Variants in SYTL2 observed in about 807,000 individuals in gnomAD.
SYTL2 encodes the protein synaptotagmin-like protein 2.
Under a neutral mutation model 198.7 loss-of-function variants are expected in SYTL2, and 165 were observed. The ratio of observed to expected loss-of-function variants is 0.83; its 90% CI spans 0.73 to 0.94. SYTL2 has a LOEUF of 0.94. SYTL2 is among the 40% of genes least tolerant of loss of function. SYTL2 has a pLI of 0.00. For missense variants in SYTL2, 2,835 were observed against 2,582.8 expected, an observed-to-expected ratio of 1.10 and a Z score of -2.12; for synonymous variants, 966 against 917.7, an observed-to-expected ratio of 1.05 and a Z score of -0.95.
At chr11:85,733,653 G>A (rs1433969802) in intron 7 of SYTL2, 2 of 205,162 alleles carry the variant, frequency 9.7e-6, no homozygotes, top group Middle Eastern at 1.9e-3. Flanking sequence ...ACTGCGGACT[G>A]CAGTGGCGCA....
chr11:85,742,850 G>A (rs185842742), intron 4 of SYTL2, among the ~76,000 whole-genome samples: 26 of 152,074 alleles, frequency 1.7e-4, no homozygotes, highest in Admixed American at 2.6e-4. Context: ...AGCATTCAGG[G>A]TTTTCCTTTT....
intron 1 of SYTL2, among the ~76,000 whole-genome samples, chr11:85,808,123 G>A (rs1566046342): frequency 1.3e-5 from 2 of 152,126 alleles, no homozygotes; most frequent in South Asian, 2.1e-4. Flanking sequence ...CTGGAGTACA[G>A]TGGCATGATC....
chr11:85,765,147 T>C (rs953573216), intron 1 of SYTL2, among the ~76,000 whole-genome samples: 1 of 152,188 alleles, frequency 6.6e-6, no homozygotes, highest in South Asian at 2.1e-4. Context: ...AAAATAATAG[T>C]TGAATGAACA....
At chr11:85,733,681 G>A (rs550461010) in intron 7 of SYTL2, 6 of 267,676 alleles carry the variant, frequency 2.2e-5, no homozygotes, top group African/African-American at 1.4e-4. Flanking sequence ...CTCACTGCAA[G>A]CTCCGCTTCC....
At chr11:85,760,437 G>A (rs2092065913) in intron 1 of SYTL2, among the ~76,000 whole-genome samples, 1 of 152,132 alleles carries the variant, frequency 6.6e-6, no homozygotes, top group African/African-American at 2.4e-5. Flanking sequence ...ATAAAAGAAT[G>A]AGCAAATGAA....
In SYTL2 at chr11:85,724,605, C is replaced by T. The variant is rs115489190; in HGVS notation, c.4753G>A (p.Val1585Met). ...ITEAPPYQPQ[V>M]SVREETHEKE... ...TCGTGAGTTTCTTCTCTCACTGACACCTGGGGCTGATAAGGAGGAGCTTCA... is the reference window on the plus strand; with the variant it reads ...TCGTGAGTTTCTTCTCTCACTGACATCTGGGGCTGATAAGGAGGAGCTTCA... The change falls in exon 8 of 20, where the codon GTG becomes ATG. Residue 1585 changes from valine to methionine, a missense_variant. By Grantham distance (21) the Val-to-Met change is conservative. Transcript: ENST00000359152. 9.8e-4 allele frequency: 1,584 copies of T among 1,613,338 alleles called. 7 individuals are homozygous for T. The highest frequency in any genetic ancestry group is 1.2e-3 in the Non-Finnish European group (1,396 of 1,179,798).
chr11:85,851,386 G>A, the SYTL2 span, among the ~76,000 whole-genome samples: 25 of 152,286 alleles, frequency 1.6e-4, no homozygotes, highest in African/African-American at 5.5e-4. Context: ...CCTAGTTCGG[G>A]TCTTTACAAA....
At chr11:85,793,039 T>C (rs1471660074) in intron 1 of SYTL2, among the ~76,000 whole-genome samples, 2 of 152,012 alleles carry the variant, frequency 1.3e-5, no homozygotes, top group African/African-American at 2.4e-5. Context: ...TGTTGAACAT[T>C]TGGGTTGGTT....
chr11:85,698,680 C>T (rs999165988), intron 17 of SYTL2, among the ~76,000 whole-genome samples: 1 of 152,134 alleles, frequency 6.6e-6, no homozygotes, highest in Non-Finnish European at 1.5e-5. Context: ...GCTGCAACTA[C>T]AGGCATGTGC....
At chr11:85,833,330 T>C in the SYTL2 span, among the ~76,000 whole-genome samples, 1 of 147,928 alleles carries the variant, frequency 6.8e-6, no homozygotes, top group Non-Finnish European at 1.5e-5. Context: ...ACAATATATA[T>C]CATATATATC....
rs1206863579 is a variant in SYTL2 at position 85,745,027 on chromosome 11, C to T, written c.389+610G>A. Among the ~76,000 whole-genome samples the T allele has an allele frequency of 3.3e-5, 5 of 152,260 alleles. No individual in the cohort carries two copies. The East Asian group carries it at 7.7e-4, about 23-fold the overall frequency. ...TATAATATTGAAGATAATCTATATC[C>T]TTAAGAGGCATTTACTGAGTATCTA... On this transcript the variant is annotated intron_variant, in intron 4 of 19. Transcript: ENST00000359152.
At chr11:85,763,088 C>T (rs1050679369) in intron 1 of SYTL2, among the ~76,000 whole-genome samples, 2 of 152,190 alleles carry the variant, frequency 1.3e-5, no homozygotes, top group African/African-American at 4.8e-5. Context: ...TCTTTCACAT[C>T]ATTCTGTGGT....
chr11:85,800,222 T>A (rs2092865741), intron 1 of SYTL2, among the ~76,000 whole-genome samples: 1 of 152,148 alleles, frequency 6.6e-6, no homozygotes, highest in African/African-American at 2.4e-5. Context: ...TGAAAGGGCT[T>A]GGGGATTGGC....
chr11:85,700,363 C>A, intron 17 of SYTL2, 152 bp downstream of exon 17: 3 of 318,004 alleles, frequency 9.4e-6, no homozygotes, highest in Non-Finnish European at 1.7e-5. Flanking sequence ...AAAGAATTTT[C>A]TTATTTACAA....
chr11:85,830,017 C>A, the SYTL2 span, among the ~76,000 whole-genome samples: 2 of 152,164 alleles, frequency 1.3e-5, no homozygotes, highest in African/African-American at 4.8e-5. Flanking sequence ...AGACCAGAAA[C>A]CAAACAGTTC....
chr11:85,800,709 C>T (rs970851939), intron 1 of SYTL2, among the ~76,000 whole-genome samples: 1 of 152,132 alleles, frequency 6.6e-6, no homozygotes, highest in Non-Finnish European at 1.5e-5. Flanking sequence ...ACAAACACAT[C>T]CACTCCCTCC....
chr11:85,724,886 T>A lies in SYTL2; in HGVS notation c.4472A>T (p.Lys1491Ile), dbSNP rs1400628315. ...AGCACTGAATTCGAGGAACTCTGAT[T>A]TGGGTTGAACAATTGTTTCCCTCAC... ...EIVRETIVQP[K>I]SEFLEFSAGL... Residue 1491 changes from lysine to isoleucine, a missense_variant, in exon 8 of 20, where the codon AAA (lysine) becomes ATA (isoleucine). Lys to Ile is a moderately radical substitution (Grantham distance 102). Transcript: ENST00000359152. 1 of 1,614,148 alleles carries A rather than the reference T, an allele frequency of 6.2e-7. No homozygotes were observed. The highest frequency in any genetic ancestry group is 8.5e-7 in the Non-Finnish European group (1 of 1,180,008).
chr11:85,813,129 G>A (rs906018774), upstream of SYTL2, among the ~76,000 whole-genome samples: 1 of 152,150 alleles, frequency 6.6e-6, no homozygotes, highest in African/African-American at 2.4e-5. Flanking sequence ...AGGTTGTGGG[G>A]CAGGCAAGTG....
At chr11:85,748,217 G>T in intron 3 of SYTL2, 55 bp downstream of exon 3, 1 of 1,571,120 alleles carries the variant, frequency 6.4e-7, no homozygotes, top group Non-Finnish European at 8.7e-7. Context: ...CCTTCTCCCC[G>T]CTCCTCCTTC....
Sources: allele counts gnomAD v4.1 joint callset (sites outside exome capture counted in the v4.1 genomes callset), GRCh38; gene constraint gnomAD v4.1.1; transcripts MANE v1.5; gene names NCBI Gene and HGNC (gene_info 2026-07-23, HGNC 2026-07-21).